The following DYNC2LI1 variants were observed in gnomAD, a reference collection of about 807,000 sequenced individuals.
The protein encoded by DYNC2LI1 is dynein cytoplasmic 2 light intermediate chain 1.
In DYNC2LI1, 45 loss-of-function variants were observed where a neutral mutation model predicts 51.9. The observed-to-expected ratio is 0.87, with a 90% CI of 0.68 to 1.11. The LOEUF (loss-of-function observed/expected upper bound fraction) is 1.11, where lower values mean the gene tolerates loss of function less well. Ranked by LOEUF, DYNC2LI1 falls within the 50% of genes most tolerant of loss-of-function variation. The pLI is 0.00. For synonymous variants in DYNC2LI1, 130 were observed against 137.8 expected, an observed-to-expected ratio of 0.94 and a Z score of 0.40; for missense variants, 490 against 417.4, an observed-to-expected ratio of 1.17 and a Z score of -1.51.
chr2:43,791,228 A>AAG (rs1340201028), intron 5 of DYNC2LI1, among the ~76,000 whole-genome samples: 25 of 151,688 alleles, frequency 1.6e-4, no homozygotes, highest in East Asian at 3.9e-4. Context: ...CTCTTTAAAA[A>AAG]AGAGAGAGAG....
chr2:43,791,923 TATTTC>T (rs1673812919), intron 5 of DYNC2LI1, among the ~76,000 whole-genome samples: 1 of 152,210 alleles, frequency 6.6e-6, no homozygotes, highest in Non-Finnish European at 1.5e-5. Flanking sequence ...GTAACAAAAG[TATTTC>T]TAATATACTG....
At chr2:43,810,498 T>C, downstream of DYNC2LI1, 1 of 985,450 alleles carries the variant, frequency 1.0e-6, no homozygotes, top group Non-Finnish European at 1.2e-6. Context: ...TGTAGATGTG[T>C]GTACCTGCTA....
intron 9 of DYNC2LI1, 125 bp from the exon 10 acceptor site, chr2:43,801,514 G>A: frequency 1.7e-6 from 1 of 583,862 alleles, no homozygotes; most frequent in Non-Finnish European, 3.0e-6. Context: ...CATTCATTCG[G>A]GGCAATGCTC....
At chr2:43,817,220 C>T in the DYNC2LI1 span, among the ~76,000 whole-genome samples, 3 of 152,256 alleles carry the variant, frequency 2.0e-5, no homozygotes, top group Admixed American at 6.5e-5. Flanking sequence ...TATAGTGGCT[C>T]ACGCCTGTAA....
intron 12 of DYNC2LI1, among the ~76,000 whole-genome samples, chr2:43,808,552 C>T (rs144765114): frequency 6.6e-6 from 1 of 152,288 alleles, no homozygotes; most frequent in African/African-American, 2.4e-5. Context: ...CAAGAGGCAT[C>T]CCCTTAGATG....
At chr2:43,794,285 T>C in intron 5 of DYNC2LI1, 172 bp from the exon 6 acceptor site, 1 of 599,712 alleles carries the variant, frequency 1.7e-6, no homozygotes, top group South Asian at 2.6e-5. Flanking sequence ...AGTATTGGAA[T>C]AAATAAGGCT....
chr2:43,808,857 C>T (rs899521477), intron 12 of DYNC2LI1, among the ~76,000 whole-genome samples: 1 of 152,000 alleles, frequency 6.6e-6, no homozygotes, highest in African/African-American at 2.4e-5. Context: ...AAGTTGTTTC[C>T]AGTTGTGCTG....
At chr2:43,785,800 T>C (rs1476169048) in intron 3 of DYNC2LI1, among the ~76,000 whole-genome samples, 2 of 151,984 alleles carry the variant, frequency 1.3e-5, no homozygotes, top group South Asian at 2.1e-4. Context: ...AGTAGAATGG[T>C]AGTTACCAAG....
the DYNC2LI1 span, chr2:43,822,478 G>GCCACCCCCCCC: frequency 2.3e-6 from 1 of 432,260 alleles, no homozygotes; most frequent in African/African-American, 2.2e-5. Flanking sequence ...CCTCCCCCAG[G>GCCACCCCCCCC]CCCCCCCCCA....
intron 1 of DYNC2LI1, among the ~76,000 whole-genome samples, chr2:43,775,021 C>CT (rs2104650887): frequency 6.9e-6 from 1 of 144,612 alleles, no homozygotes; most frequent in Admixed American, 7.0e-5. Flanking sequence ...GACCCTTTTT[C>CT]TTATTCCTGG....
chr2:43,808,433 T>C (rs1666350946), intron 12 of DYNC2LI1, among the ~76,000 whole-genome samples: 1 of 152,250 alleles, frequency 6.6e-6, no homozygotes. Context: ...ACTTCAGTTA[T>C]GTTAGCCAAA....
intron 1 of DYNC2LI1, among the ~76,000 whole-genome samples, chr2:43,776,151 C>A (rs1572690633): frequency 6.6e-6 from 1 of 151,960 alleles, no homozygotes; most frequent in Non-Finnish European, 1.5e-5. Flanking sequence ...TCATCATTTA[C>A]ATTAGGTATT....
At chr2:43,810,050 T>C, downstream of DYNC2LI1, 1 of 770,738 alleles carries the variant, frequency 1.3e-6, no homozygotes, top group Non-Finnish European at 1.6e-6. Context: ...CATGTATAAG[T>C]TTCTGCTTAT....
chr2:43,775,883 T>TG (rs1672993909), intron 1 of DYNC2LI1: 3 of 220,376 alleles, frequency 1.4e-5, no homozygotes, highest in Admixed American at 6.4e-5. Flanking sequence ...TTTTTTTTTT[T>TG]TAGTAGAGAT....
At chr2:43,809,239 G>T (rs1432101936) in intron 12 of DYNC2LI1, among the ~76,000 whole-genome samples, 1 of 152,064 alleles carries the variant, frequency 6.6e-6, no homozygotes, top group East Asian at 1.9e-4. Context: ...CAATTCTCCT[G>T]CCCCAGCCTC....
the DYNC2LI1 span, chr2:43,823,823 C>A: frequency 3.7e-4 from 549 of 1,475,454 alleles, 2 homozygotes; most frequent in African/African-American, 5.8e-3. Flanking sequence ...AGAGAAAAAC[C>A]CTTATAATGG....
At position 43,785,711 on chromosome 2, in the gene DYNC2LI1, T is replaced by TA. The variant is rs1553361215; in HGVS notation, c.162-1467dup. 6.7e-3 allele frequency among the ~76,000 whole-genome samples: 1,001 copies of TA among 150,088 alleles called. 12 individuals are homozygous for TA. Among genetic ancestry groups the TA allele is most frequent in the African/African-American group, 0.023 (938 of 40,718 alleles). On this transcript the variant is annotated intron_variant, in intron 3 of 12. Transcript: ENST00000260605. Reference sequence around the variant, plus strand: ...ATTGTGCCACTGCAAAAAAAATAAATAAATAAAATAAAATAAAATATATAT... The same window carrying TA: ...ATTGTGCCACTGCAAAAAAAATAAATAAAATAAAATAAAATAAAATATATAT...
rs368479567 is a variant in DYNC2LI1, at chr2:43,808,445, G to T, written c.994-1260G>T. 2.6e-5 allele frequency among the ~76,000 whole-genome samples: 4 copies of T among 152,254 alleles called. No individual in the cohort carries two copies. The East Asian group carries it at 7.7e-4, about 29-fold the overall frequency. On this transcript the variant is annotated intron_variant, in intron 12 of 12. Coordinates refer to ENST00000260605, the MANE Select transcript of DYNC2LI1 (RefSeq NM_016008.4). ...TGAACTTCAGTTATGTTAGCCAAAGGGCATTGATTGCCTCATCTTGCAGAG... is the reference window on the plus strand; with the variant it reads ...TGAACTTCAGTTATGTTAGCCAAAGTGCATTGATTGCCTCATCTTGCAGAG...
the DYNC2LI1 span, among the ~76,000 whole-genome samples, chr2:43,822,332 A>G: frequency 3.3e-5 from 5 of 151,732 alleles, no homozygotes; most frequent in African/African-American, 1.2e-4. Flanking sequence ...CTCCTTCCTC[A>G]TCCTCTCTGA....
Sources: allele counts gnomAD v4.1 joint callset (sites outside exome capture counted in the v4.1 genomes callset), GRCh38; gene constraint gnomAD v4.1.1; transcripts MANE v1.5; gene names NCBI Gene and HGNC (gene_info 2026-07-23, HGNC 2026-07-21).